IQSEC3: variants seen among roughly 807,000 people sequenced by gnomAD.
IQSEC3 encodes the protein IQ motif and Sec7 domain ArfGEF 3, also known as IQ motif and SEC7 domain-containing protein 3.
IQSEC3 carries 50 observed loss-of-function variants against 105.4 expected under a neutral mutation model. The observed-to-expected ratio is 0.47, with a 90% CI of 0.38 to 0.60. IQSEC3 has a LOEUF of 0.60. IQSEC3 is among the 20% of genes least tolerant of loss of function. The pLI, the probability that IQSEC3 is intolerant of heterozygous loss-of-function variation, is 0.00. For synonymous variants in IQSEC3, 708 were observed against 746.0 expected, an observed-to-expected ratio of 0.95 and a Z score of 0.83; for missense variants, 1,415 against 1,630.0, an observed-to-expected ratio of 0.87 and a Z score of 2.27.
chr12:140,965 G>A (rs782608018), intron 4 of IQSEC3, 159 bp from the exon 5 acceptor site: 4 of 684,638 alleles, frequency 5.8e-6, no homozygotes, highest in African/African-American at 3.6e-5. Context: ...TCCTCTGCGT[G>A]AGGACATTCA....
In IQSEC3 at chr12:175,116, GCACGATGCGTTCCTGGT is replaced by G; in HGVS notation, c.*87_*103del. ...CCCCTCCACTGCTCCCCATACCCTGGCACGATGCGTTCCTGGTCACTGATCACCATCATTTTGGGAAG... is the reference window on the plus strand; with the variant it reads ...CCCCTCCACTGCTCCCCATACCCTGGCACTGATCACCATCATTTTGGGAAG... On this transcript the variant is annotated 3_prime_UTR_variant, in exon 14 of 14. Transcript: ENST00000538872. 9.4e-7 allele frequency: 1 copy of G among 1,066,486 alleles called. No individual in the cohort carries two copies. Among genetic ancestry groups the G allele is most frequent in the Non-Finnish European group, 1.3e-6 (1 of 764,266 alleles). The allele number at this position is 1,066,486 out of a possible 1,614,324, so 66.1% of individuals were successfully genotyped here. A position where few individuals can be genotyped will look rare whatever the true frequency, so the allele number is the denominator to read the frequency against.
At chr12:126,611 G>A (rs1213801405) in intron 3 of IQSEC3, among the ~76,000 whole-genome samples, 1 of 151,632 alleles carries the variant, frequency 6.6e-6, no homozygotes, top group Admixed American at 6.6e-5. Context: ...TACTGTTAAG[G>A]AAAGAGCTTT....
At chr12:128,589 A>G (rs1225796712) in intron 3 of IQSEC3, among the ~76,000 whole-genome samples, 1 of 151,996 alleles carries the variant, frequency 6.6e-6, no homozygotes, top group Non-Finnish European at 1.5e-5. Context: ...CCAGATCCCC[A>G]GGACGGTTTT....
At chr12:92,928 T>C (rs12426587) in intron 1 of IQSEC3, among the ~76,000 whole-genome samples, 20,340 of 152,212 alleles carry the variant, frequency 0.13, 1,822 homozygotes, top group Non-Finnish European at 0.19. Flanking sequence ...CAAGAAGCAT[T>C]ATCTGAGGAA....
intron 9 of IQSEC3, chr12:164,899 CA>C: frequency 6.5e-6 from 1 of 153,404 alleles, no homozygotes. Context: ...ATGAAGGCCA[CA>C]AACCAGGTGA....
rs1555094576 is a variant in IQSEC3 at position 157,128 on chromosome 12, C to T, written c.2257C>T (p.Arg753Trp). The T allele has an allele frequency of 2.5e-6, 4 of 1,592,198 alleles. No homozygotes were observed. Among genetic ancestry groups the T allele is most frequent in the Non-Finnish European group, 3.4e-6 (4 of 1,169,258 alleles). ...GCAGGGGGAGGCTCAGAAGGTGGAG[C>T]GGCTCATTGAGGCCTTCAGGTAAGG... ...RVQGEAQKVE[R>W]LIEAFSQRYC... The change falls in exon 6 of 14, where the codon CGG (arginine) becomes TGG (tryptophan). Residue 753 changes from arginine to tryptophan, a missense_variant. Physicochemically the swap from Arg to Trp is moderately radical, Grantham distance 101. This residue lies in a region of IQSEC3 where 213 missense variants were observed against 306.2 expected (regional missense o/e 0.70). Transcript: ENST00000538872.
rs1555092833 is a variant in IQSEC3 at position 152,127 on chromosome 12, C to G, written c.2154-4898C>G. ...GCCTTGCACACGGGGCCACTCAGTG[C>G]TCGTTGCTGAAAGAGTCAACCAGCC... On this transcript the variant is annotated intron_variant, in intron 5 of 13. Coordinates refer to ENST00000538872, the MANE Select transcript of IQSEC3 (RefSeq NM_001170738.2). The surrounding 1 kb of genome is among the most constrained non-coding windows in gnomAD (Gnocchi z 4.8). Among the ~76,000 whole-genome samples, 1 of 151,988 alleles carries G rather than the reference C, an allele frequency of 6.6e-6. No homozygotes were observed. Among genetic ancestry groups the G allele is most frequent in the Non-Finnish European group, 1.5e-5 (1 of 68,010 alleles).
chr12:115,885 G>A (rs1555080516), intron 2 of IQSEC3, among the ~76,000 whole-genome samples: 1 of 152,170 alleles, frequency 6.6e-6, no homozygotes. Flanking sequence ...CCACACAGAA[G>A]AGGCCAGCAC....
In IQSEC3 at chr12:138,653, G is replaced by T. The variant is rs1555087486; in HGVS notation, c.1290G>T (p.Glu430Asp). The T allele has an allele frequency of 6.4e-7, 1 of 1,573,110 alleles. No individual in the cohort carries two copies. The highest frequency in any genetic ancestry group is 8.6e-7 in the Non-Finnish European group (1 of 1,167,614). ...WSLKTMCSLRESGAYQLHQAL... is the reference protein window; with the variant it reads ...WSLKTMCSLRDSGAYQLHQAL... Reference sequence around the variant, plus strand: ...TCAAGACCATGTGCTCCCTGCGGGAGAGTGGCGCTTACCAGCTCCACCAGG... The same window carrying T: ...TCAAGACCATGTGCTCCCTGCGGGATAGTGGCGCTTACCAGCTCCACCAGG... Residue 430 changes from glutamate (E) to aspartate (D), a missense_variant, in exon 4 of 14, where the codon GAG becomes GAT. Coordinates refer to ENST00000538872, the MANE Select transcript of IQSEC3 (RefSeq NM_001170738.2). This position sits in a 1 kb window ranked among gnomAD's most constrained non-coding sequence, Gnocchi z 7.1.
At chr12:76,279 G>A (rs1181207038) in intron 1 of IQSEC3, among the ~76,000 whole-genome samples, 1 of 152,220 alleles carries the variant, frequency 6.6e-6, no homozygotes, top group Admixed American at 6.5e-5. Context: ...CAGATTCCAG[G>A]CCCCTTACCA....
intron 1 of IQSEC3, among the ~76,000 whole-genome samples, chr12:92,429 T>TGTCAC (rs199908886): frequency 0.012 from 1,797 of 152,284 alleles, 21 homozygotes; most frequent in African/African-American, 0.031. Context: ...CAGACTTGTG[T>TGTCAC]GTCACAGGGG....
At chr12:172,220 C>G (rs1029907211) in intron 13 of IQSEC3, among the ~76,000 whole-genome samples, 2 of 152,038 alleles carry the variant, frequency 1.3e-5, no homozygotes, top group African/African-American at 4.8e-5. Context: ...CTCTCTCCCC[C>G]ATGGCCCCCC....
At position 165,517 on chromosome 12, in the gene IQSEC3, G is replaced by T. The variant is rs1388477096; in HGVS notation, c.2793G>T (p.Gln931His). The T allele has an allele frequency of 2.5e-6, 4 of 1,610,712 alleles. No homozygotes were observed. Among genetic ancestry groups the T allele is most frequent in the Non-Finnish European group, 3.4e-6 (4 of 1,177,896 alleles). Reference protein sequence around the residue: ...KSVGLLGMQFQLFENEYYSHG... With the variant: ...KSVGLLGMQFHLFENEYYSHG... ...TTGGCCTGCTGGGCATGCAGTTCCA[G>T]CTCTTTGAGAACGAGTGTAAGTCTT... Residue 931 changes from glutamine to histidine, a missense_variant, in exon 10 of 14, where the codon CAG (glutamine) becomes CAT (histidine). By Grantham distance (24) the Gln-to-His change is conservative. Around this residue, in one of 6 missense-constraint regions of IQSEC3, gnomAD observed 419 missense variants for 436.2 expected, o/e 0.96. Transcript: ENST00000538872.
chr12:100,321 T>C (rs1165546519), intron 2 of IQSEC3, among the ~76,000 whole-genome samples: 1 of 152,180 alleles, frequency 6.6e-6, no homozygotes, highest in Non-Finnish European at 1.5e-5. Context: ...CAAGGACCAG[T>C]GCAGCCACAG....
At chr12:165,400 C>T in intron 9 of IQSEC3, 34 bp from the exon 10 acceptor site, 1 of 1,532,488 alleles carries the variant, frequency 6.5e-7, no homozygotes, top group Non-Finnish European at 9.0e-7. Flanking sequence ...AGTGTCTGTT[C>T]ATCAGGGCAT....
intron 2 of IQSEC3, among the ~76,000 whole-genome samples, chr12:107,402 CTTTT>C (rs58053657): frequency 1.3e-5 from 1 of 75,984 alleles, no homozygotes; most frequent in Non-Finnish European, 2.3e-5. Context: ...AGTCTGTTTT[CTTTT>C]TTTTTTTTTT....
chr12:153,380 C>CGTTGGGAG (rs1866574019), intron 5 of IQSEC3, among the ~76,000 whole-genome samples: 1 of 152,124 alleles, frequency 6.6e-6, no homozygotes, highest in Non-Finnish European at 1.5e-5. Flanking sequence ...TGCCCCCTGC[C>CGTTGGGAG]GTTGGGAGCG....
At chr12:131,935 C>T (rs1056910594) in intron 3 of IQSEC3, among the ~76,000 whole-genome samples, 7 of 152,082 alleles carry the variant, frequency 4.6e-5, no homozygotes, top group South Asian at 2.1e-4. Flanking sequence ...TTAAGGTGCT[C>T]GGTGCTGGAC....
chr12:168,529 C>T (rs973697925), intron 11 of IQSEC3, among the ~76,000 whole-genome samples: 3 of 152,182 alleles, frequency 2.0e-5, no homozygotes, highest in South Asian at 2.1e-4. Context: ...AAAGTAATTG[C>T]GGTTTTTGCC....
Sources: gnomAD v4.1 joint callset for allele counts (sites outside exome capture counted in the v4.1 genomes callset) on GRCh38, gnomAD v4.1.1 for gene constraint, gnomAD v4.1.1 regional missense constraint, Gnocchi (gnomAD v3.1) non-coding constraint, MANE v1.5 for transcripts, NCBI Gene and HGNC (gene_info 2026-07-23, HGNC 2026-07-21) for gene names.